ADGRL3: variants seen among roughly 807,000 people sequenced by gnomAD.
The protein encoded by ADGRL3 is calcium-independent alpha-latrotoxin receptor 3.
A neutral mutation model predicts 153.5 loss-of-function variants in ADGRL3; 62 were observed. The observed-to-expected ratio is 0.40, with a 90% CI of 0.33 to 0.50. ADGRL3 has a LOEUF of 0.50. ADGRL3 is among the 20% of genes least tolerant of loss of function. The pLI is 0.47. For synonymous variants in ADGRL3, 710 were observed against 672.5 expected (o/e 1.06, Z -0.86); for missense variants, 1,641 against 1,859.4 (o/e 0.88, Z 2.16).
At chr4:61,372,933 C>T (rs570181080) in intron 1 of ADGRL3, among the ~76,000 whole-genome samples, 11 of 152,274 alleles carry the variant, frequency 7.2e-5, no homozygotes, top group South Asian at 4.1e-4. Flanking sequence ...TCTCGTGGTG[C>T]GCCCTTTTTT....
At chr4:61,570,883 T>G (rs1490779299) in intron 4 of ADGRL3, among the ~76,000 whole-genome samples, 1 of 152,194 alleles carries the variant, frequency 6.6e-6, no homozygotes, top group Non-Finnish European at 1.5e-5. Context: ...TCATCATTTC[T>G]GAATAAATGC....
intron 1 of ADGRL3, among the ~76,000 whole-genome samples, chr4:61,336,800 T>C (rs1368245169): frequency 6.6e-6 from 1 of 151,752 alleles, no homozygotes; most frequent in Non-Finnish European, 1.5e-5. Context: ...TATCTGGGTA[T>C]AAACAGTGTG....
In ADGRL3 at chr4:61,329,703, T is replaced by C. The variant is rs1447192884; in HGVS notation, c.-239-53421T>C. On this transcript the variant is annotated intron_variant, in intron 1 of 26. Coordinates refer to ENST00000683033, the MANE Select transcript of ADGRL3 (RefSeq NM_001387552.1). Reference sequence around the variant, plus strand: ...TGACCATTTTATAAGAAAAAAAATATAGTATACAGTTTTGTGTTGTCTTTT... The same window carrying C: ...TGACCATTTTATAAGAAAAAAAATACAGTATACAGTTTTGTGTTGTCTTTT... 3.3e-5 allele frequency among the ~76,000 whole-genome samples: 5 copies of C among 152,070 alleles called. No homozygotes were observed. In the East Asian group the frequency reaches 9.6e-4, roughly 29 times the overall value.
At chr4:61,219,722 ATCATTGC>A (rs1744497561) in intron 1 of ADGRL3, among the ~76,000 whole-genome samples, 1 of 152,122 alleles carries the variant, frequency 6.6e-6, no homozygotes, top group African/African-American at 2.4e-5. Flanking sequence ...CCTCTAACTC[ATCATTGC>A]TCTTTGTCAT....
At chr4:61,313,855 G>A (rs1482320028) in intron 1 of ADGRL3, among the ~76,000 whole-genome samples, 1 of 152,118 alleles carries the variant, frequency 6.6e-6, no homozygotes, top group African/African-American at 2.4e-5. Context: ...AGACGGGAAC[G>A]AGCCTTGGCC....
chr4:61,688,256 A>G (rs1337463961), intron 6 of ADGRL3, among the ~76,000 whole-genome samples: 1 of 152,126 alleles, frequency 6.6e-6, no homozygotes, highest in Non-Finnish European at 1.5e-5. Context: ...CAAAGACATA[A>G]TCTAATTATA....
chr4:61,219,016 G>T (rs1329448445), intron 1 of ADGRL3, among the ~76,000 whole-genome samples: 1 of 152,164 alleles, frequency 6.6e-6, no homozygotes, highest in African/African-American at 2.4e-5. Flanking sequence ...ATCAAGGGGG[G>T]CTGTGGAGAG....
intron 6 of ADGRL3, among the ~76,000 whole-genome samples, chr4:61,711,396 G>A (rs1202755561): frequency 1.4e-5 from 2 of 144,678 alleles, no homozygotes; most frequent in African/African-American, 5.1e-5. Context: ...CTGAAGTGAA[G>A]ATCCAATTGG....
chr4:61,278,260 G>A (rs1200850478), intron 1 of ADGRL3, among the ~76,000 whole-genome samples: 1 of 152,110 alleles, frequency 6.6e-6, no homozygotes, highest in Non-Finnish European at 1.5e-5. Flanking sequence ...CTCCCTGACA[G>A]ACATGCAGCT....
At chr4:61,850,511 G>A (rs2098188993) in intron 9 of ADGRL3, among the ~76,000 whole-genome samples, 1 of 152,122 alleles carries the variant, frequency 6.6e-6, no homozygotes, top group Non-Finnish European at 1.5e-5. Context: ...GTAACCAAGT[G>A]AATAGTCCTG....
chr4:61,219,416 A>G (rs1208883211), intron 1 of ADGRL3, among the ~76,000 whole-genome samples: 1 of 152,218 alleles, frequency 6.6e-6, no homozygotes, highest in African/African-American at 2.4e-5. Flanking sequence ...ATGCTGTATG[A>G]AAACCATAAA....
chr4:61,683,496 G>T (rs991869685), intron 6 of ADGRL3, among the ~76,000 whole-genome samples: 1 of 152,074 alleles, frequency 6.6e-6, no homozygotes, highest in Non-Finnish European at 1.5e-5. Flanking sequence ...AAAGTGCCCC[G>T]TGTGTCTGGG....
Position 61,385,842 on chromosome 4 carries a change from A to G in ADGRL3, c.-174+2653A>G, listed in dbSNP as rs530119025. The G allele has an allele frequency of 1.1e-3, 163 of 152,260 alleles. 1 individual carries two copies. Among genetic ancestry groups the G allele is most frequent in the African/African-American group, 3.8e-3 (156 of 41,556 alleles). 9.4% of individuals were successfully genotyped at this position (152,260 alleles called of 1,614,324 possible). On this transcript the variant is annotated intron_variant, in intron 2 of 26. Transcript: ENST00000683033. Reference sequence around the variant, plus strand: ...TTAGTTGTTTTATAAATATGTAAAAATGTGTGTATGTATATGCATATGTAT... The same window carrying G: ...TTAGTTGTTTTATAAATATGTAAAAGTGTGTGTATGTATATGCATATGTAT...
chr4:61,744,289 C>G (rs1220678261), intron 8 of ADGRL3, among the ~76,000 whole-genome samples: 1 of 152,166 alleles, frequency 6.6e-6, no homozygotes, highest in African/African-American at 2.4e-5. Flanking sequence ...GGGCAGGACA[C>G]AGACAAACAA....
At chr4:61,220,083 G>C (rs1306035341) in intron 1 of ADGRL3, among the ~76,000 whole-genome samples, 7 of 145,258 alleles carry the variant, frequency 4.8e-5, no homozygotes, top group African/African-American at 1.6e-4. Context: ...TTGCACTCCA[G>C]CCTGGGCGAC....
chr4:61,290,626 A>G (rs1280155406), intron 1 of ADGRL3, among the ~76,000 whole-genome samples: 2 of 150,756 alleles, frequency 1.3e-5, no homozygotes, highest in Non-Finnish European at 3.0e-5. Context: ...CCTGGGTAAC[A>G]GAGTGAGACC....
intron 10 of ADGRL3, 111 bp downstream of exon 10, chr4:61,893,069 C>G (rs1360044787): frequency 6.0e-6 from 3 of 496,448 alleles, no homozygotes; most frequent in African/African-American, 4.2e-5. Context: ...CTTCCTCCCT[C>G]CCTCCCTCCT....
intron 8 of ADGRL3, among the ~76,000 whole-genome samples, chr4:61,779,440 C>T (rs979804626): frequency 2.0e-5 from 3 of 151,626 alleles, no homozygotes; most frequent in African/African-American, 7.3e-5. Context: ...TGAGACCAGC[C>T]TGGCCAACAT....
At chr4:61,937,107 T>C (rs910042906) in intron 15 of ADGRL3, among the ~76,000 whole-genome samples, 2 of 152,216 alleles carry the variant, frequency 1.3e-5, no homozygotes, top group African/African-American at 4.8e-5. Context: ...ATTAGATTCC[T>C]GCATTAGCTT....
Sources: allele counts gnomAD v4.1 joint callset (sites outside exome capture counted in the v4.1 genomes callset), GRCh38; gene constraint gnomAD v4.1.1; transcripts MANE v1.5; gene names NCBI Gene and HGNC (gene_info 2026-07-23, HGNC 2026-07-21).